CALD1: variants seen among roughly 807,000 people sequenced by gnomAD.
The protein encoded by CALD1 is caldesmon 1.
Under a neutral mutation model 99.9 loss-of-function variants are expected in CALD1, and 33 were observed. That is an observed-to-expected ratio of 0.33 (90% CI 0.25 to 0.44). CALD1 has a LOEUF of 0.44. Ranked by LOEUF, CALD1 falls within the 20% of genes least tolerant of loss-of-function variation. CALD1 has a pLI of 1.00. For synonymous variants in CALD1, 310 were observed against 325.0 expected, an observed-to-expected ratio of 0.95 and a Z score of 0.50; for missense variants, 861 against 962.1, an observed-to-expected ratio of 0.89 and a Z score of 1.39.
chr7:134,795,999 T>C (rs1797731581), intron 1 of CALD1, among the ~76,000 whole-genome samples: 1 of 152,242 alleles, frequency 6.6e-6, no homozygotes, highest in African/African-American at 2.4e-5. Context: ...TTTTAAACTT[T>C]CATGCCTTTC....
intron 13 of CALD1, 75 bp from the exon 14 acceptor site, chr7:134,965,231 G>T (rs1808582059): frequency 3.8e-6 from 3 of 780,074 alleles, no homozygotes; most frequent in Admixed American, 3.5e-5. Flanking sequence ...AACAATAGAT[G>T]TGGCCATTTA....
At chr7:134,824,294 C>T (rs1330490059) in intron 1 of CALD1, among the ~76,000 whole-genome samples, 1 of 152,200 alleles carries the variant, frequency 6.6e-6, no homozygotes, top group East Asian at 1.9e-4. Flanking sequence ...CACATGACCG[C>T]TGAAACAACT....
chr7:134,758,866 C>G (rs1378469351), intron 1 of CALD1, among the ~76,000 whole-genome samples: 1 of 152,128 alleles, frequency 6.6e-6, no homozygotes, highest in Non-Finnish European at 1.5e-5. Flanking sequence ...ACCTGTCACT[C>G]AGCTCAGCAC....
intron 3 of CALD1, chr7:134,891,430 G>A: frequency 7.7e-7 from 1 of 1,305,190 alleles, no homozygotes; most frequent in Non-Finnish European, 9.8e-7. Flanking sequence ...TTTGGCTGAG[G>A]ACAAGCCCAG....
chr7:134,835,727 C>T (rs1486213388), intron 1 of CALD1, among the ~76,000 whole-genome samples: 2 of 152,118 alleles, frequency 1.3e-5, no homozygotes, highest in African/African-American at 2.4e-5. Context: ...TTTCTAAGTA[C>T]AACCTTTATT....
chr7:134,933,229 G>A lies in CALD1; in HGVS notation c.460G>A (p.Glu154Lys), dbSNP rs1805672835. Residue 154 changes from glutamate to lysine, a missense_variant, in exon 5 of 15, where the codon GAA becomes AAA. Glu to Lys is a moderately conservative substitution (Grantham distance 56, BLOSUM62 1). This residue lies in a region of CALD1 where 234 missense variants were observed against 233.1 expected (regional missense o/e 1.00). Transcript: ENST00000361675. ...NETTEKEEKS[E>K]SRQERYEIEE... ...AACTACCGAGAAGGAAGAAAAAAGTGAAAGTCGCCAAGAAAGATACGAGAT... is the reference window on the plus strand; with the variant it reads ...AACTACCGAGAAGGAAGAAAAAAGTAAAAGTCGCCAAGAAAGATACGAGAT... The A allele has an allele frequency of 1.2e-6, 2 of 1,609,880 alleles. No homozygotes were observed. The highest frequency in any genetic ancestry group is 1.3e-5 in the African/African-American group (1 of 74,224).
At chr7:134,733,686 G>A in the CALD1 span, among the ~76,000 whole-genome samples, 1 of 151,898 alleles carries the variant, frequency 6.6e-6, no homozygotes, top group African/African-American at 2.4e-5. Context: ...GTGGGCACCT[G>A]TAGTCCCAGC....
Position 134,959,956 on chromosome 7 carries a change from A to G in CALD1, c.2062-18A>G. The G allele has an allele frequency of 1.9e-6, 3 of 1,612,268 alleles. No individual in the cohort carries two copies. The highest frequency in any genetic ancestry group is 2.5e-6 in the Non-Finnish European group (3 of 1,179,138). On this transcript the variant is annotated intron_variant, in intron 11 of 14. Transcript: ENST00000361675. ...AAACTTCCCAGCACCAATCCTAAAA[A>G]TAACTCACAAATTTCAGGGAACAAA...
At chr7:134,728,209 T>C in the CALD1 span, among the ~76,000 whole-genome samples, 2 of 151,872 alleles carry the variant, frequency 1.3e-5, no homozygotes, top group Non-Finnish European at 2.9e-5. Flanking sequence ...AGTCTTGATC[T>C]GATCAAAGAC....
rs1808589216 is a variant in CALD1 at position 134,965,306 on chromosome 7, G to T, written c.2296G>T (p.Asp766Tyr). Residue 766 changes from aspartate (D) to tyrosine (Y), a missense_variant and splice_region_variant, in exon 14 of 15, where the codon GAC (aspartate) becomes TAC (tyrosine). Coordinates refer to ENST00000361675, the MANE Select transcript of CALD1 (RefSeq NM_033138.4). ...TGTTTTTCTGCTTCCTTTTTATCAG[G>T]ACTTGAGACCAGGAGACGTATCCAG... The part of the protein sequence containing the change: ...GNKSPAPKPS[D>Y]LRPGDVSSKR... The T allele has an allele frequency of 6.5e-7, 1 of 1,544,558 alleles. No individual in the cohort carries two copies. Among genetic ancestry groups the T allele is most frequent in the Non-Finnish European group, 9.0e-7 (1 of 1,116,876 alleles).
chr7:134,927,654 A>C (rs1359865262), intron 3 of CALD1, among the ~76,000 whole-genome samples: 2 of 150,554 alleles, frequency 1.3e-5, no homozygotes, highest in African/African-American at 4.9e-5. Flanking sequence ...ATCTAAATAC[A>C]CACCTGTGGG....
chr7:134,815,771 T>C (rs955734095), intron 1 of CALD1, among the ~76,000 whole-genome samples: 1 of 152,098 alleles, frequency 6.6e-6, no homozygotes, highest in Non-Finnish European at 1.5e-5. Context: ...AAAATGAAAA[T>C]ATAGACAGAA....
intron 1 of CALD1, among the ~76,000 whole-genome samples, chr7:134,765,693 AGGT>A (rs1181320535): frequency 6.6e-6 from 1 of 152,126 alleles, no homozygotes; most frequent in African/African-American, 2.4e-5. Flanking sequence ...GCCTGGTAGG[AGGT>A]GATCGGATCA....
chr7:134,718,209 G>A, the CALD1 span, among the ~76,000 whole-genome samples: 1 of 152,204 alleles, frequency 6.6e-6, no homozygotes, highest in Non-Finnish European at 1.5e-5. Context: ...TGGGAAAGAA[G>A]ATGAAATCCA....
the CALD1 span, among the ~76,000 whole-genome samples, chr7:134,730,497 A>G: frequency 5.9e-5 from 9 of 152,178 alleles, no homozygotes; most frequent in African/African-American, 1.4e-4. Flanking sequence ...CAGTAATGCA[A>G]GCACCACACT....
At chr7:134,893,475 A>G (rs964904114) in intron 3 of CALD1, among the ~76,000 whole-genome samples, 2 of 152,224 alleles carry the variant, frequency 1.3e-5, no homozygotes, top group African/African-American at 4.8e-5. Context: ...AAATGCACAC[A>G]GGGATGTCGA....
chr7:134,719,874 G>A, the CALD1 span, among the ~76,000 whole-genome samples: 1 of 152,114 alleles, frequency 6.6e-6, no homozygotes, highest in Non-Finnish European at 1.5e-5. Flanking sequence ...AATCACCAAA[G>A]ATGCCCCCGA....
chr7:134,935,666 T>C (rs1233932795), intron 5 of CALD1, 22 bp from the exon 6 acceptor site: 3 of 1,597,448 alleles, frequency 1.9e-6, no homozygotes, highest in Middle Eastern at 1.7e-4. Flanking sequence ...TGTGTGACCT[T>C]ACCATTCTTG....
At chr7:134,718,713 A>T in the CALD1 span, among the ~76,000 whole-genome samples, 3 of 152,100 alleles carry the variant, frequency 2.0e-5, no homozygotes, top group African/African-American at 7.2e-5. Context: ...GACGTTGGCT[A>T]CTGCTGTTGT....
Sources: allele counts gnomAD v4.1 joint callset (sites outside exome capture counted in the v4.1 genomes callset), GRCh38; gene constraint gnomAD v4.1.1; regional missense constraint gnomAD v4.1.1; transcripts MANE v1.5; gene names NCBI Gene and HGNC (gene_info 2026-07-23, HGNC 2026-07-21).